DTNB: variants seen among roughly 807,000 people sequenced by gnomAD.
DTNB encodes dystrobrevin beta.
In DTNB, 63 loss-of-function variants were observed where a neutral mutation model predicts 90.7. The ratio of observed to expected loss-of-function variants is 0.69; its 90% CI spans 0.57 to 0.86. The LOEUF (loss-of-function observed/expected upper bound fraction) is 0.86, where lower values mean the gene tolerates loss of function less well. DTNB is among the 40% of genes least tolerant of loss of function. The pLI is 0.00. For missense variants in DTNB, 744 were observed against 807.1 expected (o/e 0.92, Z 0.95); for synonymous variants, 277 against 286.7 (o/e 0.97, Z 0.34).
chr2:25,558,176 G>A, intron 8 of DTNB: 1 of 978,022 alleles, frequency 1.0e-6, no homozygotes, highest in Non-Finnish European at 1.2e-6. Context: ...ACTAAATGAA[G>A]ATATACAACA....
At chr2:25,600,006 G>T (rs1016289748) in intron 5 of DTNB, among the ~76,000 whole-genome samples, 1 of 152,158 alleles carries the variant, frequency 6.6e-6, no homozygotes, top group South Asian at 2.1e-4. Flanking sequence ...ACTGAAGGGG[G>T]AGGACCGCTT....
chr2:25,664,988 G>A (rs1217358913), intron 1 of DTNB, among the ~76,000 whole-genome samples: 1 of 152,226 alleles, frequency 6.6e-6, no homozygotes, highest in Non-Finnish European at 1.5e-5. Context: ...AGGATCTGAA[G>A]AGAGTGCAGC....
intron 9 of DTNB, among the ~76,000 whole-genome samples, chr2:25,496,487 A>G (rs2068872181): frequency 6.6e-6 from 1 of 152,200 alleles, no homozygotes. Flanking sequence ...GTTTTCAAAA[A>G]TGGAAATGAA....
At chr2:25,615,971 G>C (rs776715654) in intron 4 of DTNB, among the ~76,000 whole-genome samples, 11 of 152,198 alleles carry the variant, frequency 7.2e-5, no homozygotes, top group Non-Finnish European at 1.0e-4. Flanking sequence ...CCAACATAGA[G>C]CTTTGAATGC....
intron 4 of DTNB, among the ~76,000 whole-genome samples, chr2:25,613,653 T>C (rs984676424): frequency 6.7e-6 from 1 of 148,452 alleles, no homozygotes; most frequent in Non-Finnish European, 1.5e-5. Context: ...GCAAATCAAA[T>C]GTAGGAAAAA....
chr2:25,503,924 A>C (rs2071526903), intron 9 of DTNB, among the ~76,000 whole-genome samples: 1 of 151,728 alleles, frequency 6.6e-6, no homozygotes, highest in Non-Finnish European at 1.5e-5. Context: ...CTCAAAAAAA[A>C]GAAAAAAAAA....
chr2:25,617,446 A>G (rs572775364), intron 4 of DTNB, among the ~76,000 whole-genome samples: 2 of 152,122 alleles, frequency 1.3e-5, no homozygotes, highest in Admixed American at 1.3e-4. Flanking sequence ...TTAATTATTA[A>G]CCCTTCTTCC....
At chr2:25,634,226 G>A (rs1412708476) in intron 3 of DTNB, among the ~76,000 whole-genome samples, 5 of 124,054 alleles carry the variant, frequency 4.0e-5, no homozygotes, top group Non-Finnish European at 7.5e-5. Flanking sequence ...GCCCTGTCCG[G>A]GAGGGAGGTG....
chr2:25,387,070 C>T lies in DTNB; in HGVS notation c.1825+219G>A, dbSNP rs2039674296. ...TCAGCTTGCTCCACAAGATGCACTC[C>T]TGAGATAGGCCTGAATGTGAAACCG... On this transcript the variant is annotated intron_variant, in intron 18 of 20. Transcript: ENST00000406818. The surrounding 1 kb of genome is among the most constrained non-coding windows in gnomAD (Gnocchi z 4.5). 1.9e-6 allele frequency: 1 copy of T among 522,912 alleles called. No individual in the cohort carries two copies. 32.4% of individuals were successfully genotyped at this position (522,912 alleles called of 1,614,324 possible).
chr2:25,485,860 A>G (rs2066001465), intron 9 of DTNB, among the ~76,000 whole-genome samples: 1 of 152,138 alleles, frequency 6.6e-6, no homozygotes, highest in Admixed American at 6.5e-5. Flanking sequence ...GCAGTGGCTC[A>G]TGCCTGTAAT....
At chr2:25,450,971 A>AT (rs1162586291) in intron 12 of DTNB, among the ~76,000 whole-genome samples, 28 of 152,128 alleles carry the variant, frequency 1.8e-4, no homozygotes, top group African/African-American at 6.3e-4. Context: ...CACCTGGCTA[A>AT]TTTTTGTATT....
At chr2:25,404,732 G>A (rs2044625422) in intron 16 of DTNB, among the ~76,000 whole-genome samples, 1 of 152,094 alleles carries the variant, frequency 6.6e-6, no homozygotes, top group Non-Finnish European at 1.5e-5. Flanking sequence ...GCACGCGACT[G>A]TAATCCCAGC....
At chr2:25,432,787 A>ATACTGAACAACAGATTCTACCCCACTCC in intron 14 of DTNB, 99 bp downstream of exon 14, 1 of 1,249,698 alleles carries the variant, frequency 8.0e-7, no homozygotes. Flanking sequence ...AGGATTGTTT[A>ATACTGAACAACAGATTCTACCCCACTCC]TACTGAACAA....
intron 2 of DTNB, chr2:25,649,905 A>G: frequency 2.1e-6 from 1 of 481,896 alleles, no homozygotes; most frequent in Non-Finnish European, 2.7e-6. Flanking sequence ...GTTATGCTGG[A>G]GTTTCTGGTT....
At position 25,650,111 on chromosome 2, in the gene DTNB, A is replaced by C. The variant is rs976496884; in HGVS notation, c.67+2483T>G. On this transcript the variant is annotated intron_variant, in intron 2 of 20. Coordinates refer to ENST00000406818, the MANE Select transcript of DTNB (RefSeq NM_021907.5). ...TGTAAGAGTAGTAACATTCACAAAG[A>C]AGTAAACCCAGTTCTTGGCAGGACT... 4.1e-6 allele frequency: 4 copies of C among 985,350 alleles called. No homozygotes were observed. In the African/African-American group the frequency reaches 7.0e-5, roughly 17 times the overall value. 61.0% of individuals were successfully genotyped at this position (985,350 alleles called of 1,614,324 possible). A position where few individuals can be genotyped will look rare whatever the true frequency, so the allele number is the denominator to read the frequency against.
intron 8 of DTNB, among the ~76,000 whole-genome samples, chr2:25,573,524 A>C (rs2060196520): frequency 6.6e-6 from 1 of 152,076 alleles, no homozygotes; most frequent in Non-Finnish European, 1.5e-5. Flanking sequence ...CAAGAGTCAG[A>C]GCTTTCTCTG....
intron 8 of DTNB, among the ~76,000 whole-genome samples, chr2:25,568,662 G>T (rs570548916): frequency 3.5e-4 from 54 of 152,270 alleles, no homozygotes; most frequent in South Asian, 2.1e-3. Flanking sequence ...CACTTATGTG[G>T]GAACCCTTGT....
At chr2:25,672,868 CA>C (rs2086382040) in intron 1 of DTNB, 1 of 152,148 alleles carries the variant, frequency 6.6e-6, no homozygotes, top group Admixed American at 6.5e-5. Context: ...CGTCTCGGGA[CA>C]CTTCTTTCCT....
intron 8 of DTNB, among the ~76,000 whole-genome samples, chr2:25,533,840 G>A (rs945518496): frequency 1.3e-5 from 2 of 152,012 alleles, no homozygotes; most frequent in African/African-American, 2.4e-5. Context: ...TGCTCCATAC[G>A]ACAGCAAGTG....
Sources: gnomAD v4.1 joint callset for allele counts (sites outside exome capture counted in the v4.1 genomes callset) on GRCh38, gnomAD v4.1.1 for gene constraint, Gnocchi (gnomAD v3.1) non-coding constraint, MANE v1.5 for transcripts, NCBI Gene and HGNC (gene_info 2026-07-23, HGNC 2026-07-21) for gene names.